KYNU: variants seen among roughly 807,000 people sequenced by gnomAD.
The protein encoded by KYNU is kynureninase.
Under a neutral mutation model 59.2 loss-of-function variants are expected in KYNU, and 54 were observed. That is an observed-to-expected ratio of 0.91 (90% confidence interval 0.73 to 1.14). The LOEUF is 1.14. Among genes scored for constraint, KYNU ranks in the 50% most tolerant of loss-of-function variants. The pLI, the probability that KYNU is intolerant of heterozygous loss-of-function variation, is 0.00. For synonymous variants in KYNU, 177 were observed against 192.0 expected, an observed-to-expected ratio of 0.92 and a Z score of 0.65; for missense variants, 567 against 554.4, an observed-to-expected ratio of 1.02 and a Z score of -0.23.
At chr2:142,893,789 T>C (rs1558905283) in intron 2 of KYNU, among the ~76,000 whole-genome samples, 1 of 152,152 alleles carries the variant, frequency 6.6e-6, no homozygotes, top group Non-Finnish European at 1.5e-5. Context: ...TCTAAGATAA[T>C]GCAAATTGCT....
chr2:143,026,671 T>A (rs1686575393), intron 10 of KYNU, among the ~76,000 whole-genome samples: 1 of 152,204 alleles, frequency 6.6e-6, no homozygotes, highest in East Asian at 1.9e-4. Flanking sequence ...CACAGCAGAC[T>A]CCAACCGGGG....
chr2:142,913,246 G>A (rs569781028), intron 2 of KYNU, among the ~76,000 whole-genome samples: 1 of 152,172 alleles, frequency 6.6e-6, no homozygotes, highest in Non-Finnish European at 1.5e-5. Context: ...GGGTTAGTTT[G>A]TTCTTGCTTT....
In KYNU at chr2:142,918,644, A is replaced by T. The variant is rs777366701; in HGVS notation, c.205A>T (p.Ile69Phe). 13 of 1,609,088 alleles carry T rather than the reference A, an allele frequency of 8.1e-6. No individual in the cohort carries two copies. The Admixed American group carries it at 1.5e-4, about 19-fold the overall frequency. The change falls in exon 3 of 14, where the codon ATC becomes TTC. Residue 69 changes from isoleucine to phenylalanine, a missense_variant. Physicochemically the swap from Ile to Phe is conservative, Grantham distance 21. Coordinates refer to ENST00000264170, the MANE Select transcript of KYNU (RefSeq NM_003937.3). ...LSLVNKDENA[I>F]YFLGNSLGLQ... is the part of the protein sequence containing the mutation. Reference sequence around the variant, plus strand: ...ATTAGTGAATAAAGATGAAAATGCCATCTATTTCTTGGGAAATTCTCTTGG... The same window carrying T: ...ATTAGTGAATAAAGATGAAAATGCCTTCTATTTCTTGGGAAATTCTCTTGG...
At chr2:142,952,662 C>A (rs1684030471) in intron 4 of KYNU, among the ~76,000 whole-genome samples, 1 of 152,134 alleles carries the variant, frequency 6.6e-6, no homozygotes, top group Non-Finnish European at 1.5e-5. Context: ...CCATCTTGAA[C>A]ACTTGGGTTC....
intron 2 of KYNU, among the ~76,000 whole-genome samples, chr2:142,907,765 C>G (rs1302745060): frequency 1.3e-5 from 2 of 152,086 alleles, no homozygotes; most frequent in Non-Finnish European, 2.9e-5. Context: ...TTTTAGTGAG[C>G]CTTCTTTACT....
At chr2:142,928,962 C>T (rs1263190750) in intron 4 of KYNU, among the ~76,000 whole-genome samples, 1 of 132,116 alleles carries the variant, frequency 7.6e-6, no homozygotes, top group African/African-American at 2.9e-5. Flanking sequence ...GAGCCCAAAT[C>T]GTGCCACTGT....
intron 2 of KYNU, among the ~76,000 whole-genome samples, chr2:142,917,878 T>A (rs1334381542): frequency 6.6e-6 from 1 of 152,198 alleles, no homozygotes; most frequent in African/African-American, 2.4e-5. Context: ...CAGTGAAATA[T>A]AAACAAGAAG....
chr2:142,994,975 T>TA (rs1394905091), intron 10 of KYNU, among the ~76,000 whole-genome samples: 12 of 152,140 alleles, frequency 7.9e-5, no homozygotes, highest in African/African-American at 2.9e-4. Flanking sequence ...CAGACAACTT[T>TA]AAAATCCTTC....
chr2:142,941,218 G>A (rs922665042), intron 4 of KYNU, among the ~76,000 whole-genome samples: 8 of 152,152 alleles, frequency 5.3e-5, no homozygotes, highest in African/African-American at 1.9e-4. Flanking sequence ...CACTTTATTA[G>A]CATCAACTCT....
At chr2:142,985,678 G>T (rs1270177320) in intron 9 of KYNU, among the ~76,000 whole-genome samples, 1 of 151,778 alleles carries the variant, frequency 6.6e-6, no homozygotes, top group African/African-American at 2.4e-5. Context: ...TTCAAAGCCA[G>T]ATCTCATTAA....
At chr2:142,891,149 C>T (rs1449356358) in intron 2 of KYNU, among the ~76,000 whole-genome samples, 1 of 152,156 alleles carries the variant, frequency 6.6e-6, no homozygotes, top group Non-Finnish European at 1.5e-5. Flanking sequence ...TAAAATCACT[C>T]AATTGAAGTA....
intron 10 of KYNU, among the ~76,000 whole-genome samples, chr2:143,009,977 A>G (rs1686039850): frequency 7.5e-6 from 1 of 133,140 alleles, no homozygotes; most frequent in Non-Finnish European, 1.6e-5. Context: ...AAAAACTGGA[A>G]GCATTCCCTT....
chr2:142,983,154 C>A (rs571521842), intron 8 of KYNU, among the ~76,000 whole-genome samples: 2 of 150,088 alleles, frequency 1.3e-5, no homozygotes, highest in Non-Finnish European at 3.0e-5. Context: ...GTTTCTGTGG[C>A]AAACTGCAAG....
intron 12 of KYNU, among the ~76,000 whole-genome samples, chr2:143,039,692 G>GT (rs1320889118): frequency 1.3e-5 from 2 of 152,046 alleles, no homozygotes; most frequent in African/African-American, 4.8e-5. Context: ...TTTTACAGGT[G>GT]TAAGTGTGCA....
In KYNU at chr2:143,054,804, CA is replaced by C; in HGVS notation, c.*12633del. On this transcript the variant is annotated 3_prime_UTR_variant, in exon 14 of 14. Coordinates refer to ENST00000264170, the MANE Select transcript of KYNU (RefSeq NM_003937.3). ...TCAGTGGCATGAATACAATAGGAGGCAGGTAGGGAGAAGGCACTACCCTGAA... is the reference window on the plus strand; with the variant it reads ...TCAGTGGCATGAATACAATAGGAGGCGGTAGGGAGAAGGCACTACCCTGAA... 1 of 151,054 alleles carries C rather than the reference CA, an allele frequency of 6.6e-6. No individual in the cohort carries two copies. Among genetic ancestry groups the C allele is most frequent in the Non-Finnish European group, 1.5e-5 (1 of 68,014 alleles). 9.4% of individuals were successfully genotyped at this position (151,054 alleles called of 1,614,324 possible).
At chr2:143,026,926 C>A (rs760336319) in intron 10 of KYNU, among the ~76,000 whole-genome samples, 1 of 152,182 alleles carries the variant, frequency 6.6e-6, no homozygotes, top group Non-Finnish European at 1.5e-5. Flanking sequence ...CTCTCCGATG[C>A]CCAGCTGTAT....
chr2:142,906,630 C>T (rs1490977140), intron 2 of KYNU, among the ~76,000 whole-genome samples: 1 of 152,020 alleles, frequency 6.6e-6, no homozygotes, highest in African/African-American at 2.4e-5. Flanking sequence ...AAGTGAAAGT[C>T]TGAAGCATTA....
chr2:142,939,904 C>A (rs1453141781), intron 4 of KYNU, among the ~76,000 whole-genome samples: 1 of 152,158 alleles, frequency 6.6e-6, no homozygotes, highest in East Asian at 1.9e-4. Flanking sequence ...CTAATCTGGG[C>A]AGCCCTGGAT....
At chr2:142,898,893 G>C (rs1249327841) in intron 2 of KYNU, among the ~76,000 whole-genome samples, 1 of 152,178 alleles carries the variant, frequency 6.6e-6, no homozygotes, top group African/African-American at 2.4e-5. Context: ...AGCTTGATTA[G>C]GATGAACCCA....
Sources: gnomAD v4.1 joint callset for allele counts (sites outside exome capture counted in the v4.1 genomes callset) on GRCh38, gnomAD v4.1.1 for gene constraint, MANE v1.5 for transcripts, NCBI Gene and HGNC (gene_info 2026-07-23, HGNC 2026-07-21) for gene names.